The following MACO1 variants were observed in gnomAD, a reference collection of about 807,000 sequenced individuals.
MACO1 encodes macoilin.
MACO1 carries 14 observed loss-of-function variants against 78.7 expected under a neutral mutation model. That is an observed-to-expected ratio of 0.18 (90% CI 0.12 to 0.28). MACO1 has a LOEUF of 0.28. Among genes scored for constraint, MACO1 ranks in the 10% least tolerant of loss-of-function variants. The pLI is 1.00. For missense variants in MACO1, 501 were observed against 799.0 expected (o/e 0.63, Z 4.50); for synonymous variants, 288 against 291.6 (o/e 0.99, Z 0.12).
chr1:25,481,216 CAT>C (rs2043374596), intron 6 of MACO1, among the ~76,000 whole-genome samples: 1 of 152,032 alleles, frequency 6.6e-6, no homozygotes, highest in African/African-American at 2.4e-5. Flanking sequence ...CCAACTGTGG[CAT>C]ATGTTTTTCC....
intron 2 of MACO1, among the ~76,000 whole-genome samples, chr1:25,448,601 C>T (rs2043036922): frequency 6.6e-6 from 1 of 152,158 alleles, no homozygotes; most frequent in African/African-American, 2.4e-5. Context: ...CCATAAAGTA[C>T]TAGTATTCTT....
chr1:25,487,368 G>T (rs2043442900), intron 8 of MACO1, among the ~76,000 whole-genome samples: 1 of 152,114 alleles, frequency 6.6e-6, no homozygotes, highest in Non-Finnish European at 1.5e-5. Context: ...TGGCAGGCTG[G>T]TCTCGAACTC....
chr1:25,478,251 A>T (rs986773174), intron 6 of MACO1, among the ~76,000 whole-genome samples: 7 of 152,270 alleles, frequency 4.6e-5, no homozygotes, highest in African/African-American at 7.2e-5. Flanking sequence ...TCTCAAAAAA[A>T]TTTTTTCAAT....
At chr1:25,459,180 T>C (rs1460291548) in intron 6 of MACO1, among the ~76,000 whole-genome samples, 4 of 152,234 alleles carry the variant, frequency 2.6e-5, no homozygotes, top group Non-Finnish European at 5.9e-5. Context: ...CTTTGGTCCT[T>C]GTCCTTTTCT....
intron 6 of MACO1, among the ~76,000 whole-genome samples, chr1:25,459,245 G>A (rs1464029542): frequency 6.6e-6 from 1 of 151,558 alleles, no homozygotes; most frequent in Non-Finnish European, 1.5e-5. Flanking sequence ...GTTTGTGCTT[G>A]TTCACGCAAA....
chr1:25,484,041 G>C (rs946856493), intron 6 of MACO1, 75 bp from the exon 7 acceptor site: 1 of 1,479,822 alleles, frequency 6.8e-7, no homozygotes, highest in Non-Finnish European at 9.1e-7. Context: ...AGCAGTCCAG[G>C]ACCCCCACCA....
chr1:25,432,863 T>G (rs962513375), intron 1 of MACO1, among the ~76,000 whole-genome samples: 1 of 152,242 alleles, frequency 6.6e-6, no homozygotes, highest in African/African-American at 2.4e-5. Context: ...TCTGCTGTAT[T>G]TCCATTTCTC....
intron 1 of MACO1, among the ~76,000 whole-genome samples, chr1:25,438,935 A>G (rs1317391886): frequency 1.3e-5 from 2 of 152,026 alleles, no homozygotes; most frequent in East Asian, 3.9e-4. Flanking sequence ...AAAAAAAAAG[A>G]AGTGGACATG....
chr1:25,480,954 ATATATATATAT>A (rs2043371085), intron 6 of MACO1, among the ~76,000 whole-genome samples: 2 of 119,594 alleles, frequency 1.7e-5, no homozygotes, highest in Admixed American at 1.8e-4. Context: ...ATATATATAT[ATATATATATAT>A]ATATATATAT....
chr1:25,469,736 A>G (rs1006697476), intron 6 of MACO1, among the ~76,000 whole-genome samples: 1 of 149,020 alleles, frequency 6.7e-6, no homozygotes, highest in Non-Finnish European at 1.5e-5. Context: ...TTCTGGGTTC[A>G]AGTGATTCTC....
At chr1:25,474,591 T>G (rs1441266514) in intron 6 of MACO1, among the ~76,000 whole-genome samples, 1 of 152,174 alleles carries the variant, frequency 6.6e-6, no homozygotes. Context: ...CACCTGACTG[T>G]GAGGCTTTCA....
At chr1:25,448,239 C>T (rs919581776) in intron 2 of MACO1, among the ~76,000 whole-genome samples, 2 of 151,992 alleles carry the variant, frequency 1.3e-5, no homozygotes, top group Admixed American at 1.3e-4. Flanking sequence ...CCAAGGCGGG[C>T]GGATCACAAG....
intron 6 of MACO1, among the ~76,000 whole-genome samples, chr1:25,474,882 C>T (rs1178564583): frequency 6.6e-6 from 1 of 152,208 alleles, no homozygotes; most frequent in African/African-American, 2.4e-5. Context: ...AGTCTCAAGT[C>T]AGAGCAGTGC....
At chr1:25,439,550 T>A (rs2042949879) in intron 1 of MACO1, among the ~76,000 whole-genome samples, 1 of 152,070 alleles carries the variant, frequency 6.6e-6, no homozygotes, top group Non-Finnish European at 1.5e-5. Flanking sequence ...AAAAAAGAAA[T>A]ATAGAACAGC....
At chr1:25,496,998 G>A (rs1219322571) in intron 10 of MACO1, among the ~76,000 whole-genome samples, 1 of 152,188 alleles carries the variant, frequency 6.6e-6, no homozygotes. Flanking sequence ...GTATACATAA[G>A]CATTTAGCAT....
intron 1 of MACO1, among the ~76,000 whole-genome samples, chr1:25,444,159 C>G (rs1404250084): frequency 6.6e-6 from 1 of 151,228 alleles, no homozygotes; most frequent in Non-Finnish European, 1.5e-5. Context: ...CTTGGGAGGC[C>G]AAGGCAGGAG....
intron 6 of MACO1, among the ~76,000 whole-genome samples, chr1:25,482,632 C>T (rs915311651): frequency 7.9e-5 from 12 of 152,188 alleles, no homozygotes; most frequent in Non-Finnish European, 1.5e-4. Flanking sequence ...AAAGCCTTTC[C>T]CAGTCTTCTC....
intron 3 of MACO1, among the ~76,000 whole-genome samples, chr1:25,451,157 TAAAC>T (rs1433722574): frequency 2.6e-5 from 4 of 152,206 alleles, no homozygotes; most frequent in African/African-American, 7.2e-5. Context: ...GACTAGTGCT[TAAAC>T]AAACGAAACA....
intron 1 of MACO1, among the ~76,000 whole-genome samples, chr1:25,445,237 T>C (rs2124574944): frequency 6.6e-6 from 1 of 150,982 alleles, no homozygotes; most frequent in Non-Finnish European, 1.5e-5. Context: ...AGATTGAGGC[T>C]GCTGTGAGCT....
Sources: allele counts gnomAD v4.1 joint callset (sites outside exome capture counted in the v4.1 genomes callset), GRCh38; gene constraint gnomAD v4.1.1; transcripts MANE v1.5; gene names NCBI Gene and HGNC (gene_info 2026-07-23, HGNC 2026-07-21).